FRMD4B: variants seen among roughly 807,000 people sequenced by gnomAD.
FRMD4B encodes FERM domain-containing protein 4B.
FRMD4B carries 74 observed loss-of-function variants against 141.5 expected under a neutral mutation model. The observed-to-expected ratio is 0.52, with a 90% confidence interval of 0.43 to 0.63. FRMD4B has a LOEUF of 0.63. Ranked by LOEUF, FRMD4B falls within the 30% of genes least tolerant of loss-of-function variation. FRMD4B has a pLI of 0.00. For missense variants in FRMD4B, 1,366 were observed against 1,253.4 expected (o/e 1.09, Z -1.36); for synonymous variants, 506 against 467.9 (o/e 1.08, Z -1.05).
chr3:69,301,578 C>A (rs1249823258), intron 4 of FRMD4B, among the ~76,000 whole-genome samples: 2 of 152,164 alleles, frequency 1.3e-5, no homozygotes, highest in African/African-American at 4.8e-5. Flanking sequence ...GATCCACCTG[C>A]CTCAGCCTCC....
intron 1 of FRMD4B, among the ~76,000 whole-genome samples, chr3:69,326,574 T>C (rs929143458): frequency 2.6e-5 from 4 of 152,234 alleles, no homozygotes; most frequent in Non-Finnish European, 5.9e-5. Flanking sequence ...ATTTTCCCCA[T>C]TGAGCTCTCA....
In FRMD4B at chr3:69,288,231, C is replaced by T. The variant is rs937705642; in HGVS notation, c.417-395G>A. The stretch of plus-strand genomic sequence containing the variant: ...AAAGCTGAAGTCGGCTGAGCAAGCA[C>T]TACCTAACCGAACCCCAAAGCCTGC... On this transcript the variant is annotated intron_variant, in intron 4 of 22. Transcript: ENST00000398540. Among the ~76,000 whole-genome samples, 73 of 152,374 alleles carry T rather than the reference C, an allele frequency of 4.8e-4. 1 individual carries two copies. Among genetic ancestry groups the T allele is most frequent in the African/African-American group, 1.7e-3 (71 of 41,600 alleles).
chr3:69,285,818 TG>T (rs1156397123), intron 5 of FRMD4B, among the ~76,000 whole-genome samples: 4 of 151,194 alleles, frequency 2.6e-5, no homozygotes, highest in African/African-American at 9.7e-5. Context: ...CACTTCACCC[TG>T]GGCAACAAAG....
chr3:69,225,519 C>CAAAAAAAAA (rs35855787), intron 7 of FRMD4B, among the ~76,000 whole-genome samples: 9 of 50,580 alleles, frequency 1.8e-4, no homozygotes, highest in Non-Finnish European at 2.0e-4. Flanking sequence ...ACTAAAAATA[C>CAAAAAAAAA]AAAAAAAAAA....
At chr3:69,510,010 T>C (rs1706664609) in intron 1 of FRMD4B, among the ~76,000 whole-genome samples, 2 of 151,758 alleles carry the variant, frequency 1.3e-5, no homozygotes, top group South Asian at 4.2e-4. Flanking sequence ...GTGACGTGCT[T>C]GATTGCAATA....
intron 7 of FRMD4B, among the ~76,000 whole-genome samples, chr3:69,245,767 AATTATC>A (rs1279781711): frequency 3.4e-5 from 5 of 148,040 alleles, no homozygotes; most frequent in Non-Finnish European, 7.4e-5. Context: ...GGGTTCAAGC[AATTATC>A]TCGCTTCAGC....
In FRMD4B at chr3:69,169,001, A is replaced by T. The variant is rs916780781; in HGVS notation, c.*2860T>A. Among the ~76,000 whole-genome samples the T allele has an allele frequency of 4.1e-5, 5 of 120,878 alleles. No individual in the cohort carries two copies. The highest frequency in any genetic ancestry group is 9.4e-5 in the Non-Finnish European group (5 of 53,330). The allele number at this position is 120,878 out of a possible 152,430, so 79.3% of individuals were successfully genotyped here. ...ATATATTAGGCAGAAAACAAAACAA[A>T]CAAAAAAAAATGTTGTAAAACTGTA... On this transcript the variant is annotated 3_prime_UTR_variant, in exon 23 of 23. Transcript: ENST00000398540.
At chr3:69,223,391 T>C (rs771420482) in intron 8 of FRMD4B, among the ~76,000 whole-genome samples, 2 of 152,122 alleles carry the variant, frequency 1.3e-5, no homozygotes, top group African/African-American at 2.4e-5. Context: ...ACCGTGTGCC[T>C]GTAATCCCAG....
At chr3:69,476,216 C>G (rs1705995082) in intron 1 of FRMD4B, among the ~76,000 whole-genome samples, 1 of 151,826 alleles carries the variant, frequency 6.6e-6, no homozygotes, top group South Asian at 2.1e-4. Context: ...AATTAGATCC[C>G]ATTTGTCAAT....
In FRMD4B at chr3:69,176,582, G is replaced by A; in HGVS notation, c.2926C>T (p.His976Tyr). Residue 976 changes from histidine (H) to tyrosine (Y), a missense_variant, in exon 22 of 23, where the codon CAT (histidine) becomes TAT (tyrosine). Coordinates refer to ENST00000398540, the MANE Select transcript of FRMD4B (RefSeq NM_015123.3). ...IGLSDYETPA[H>Y]SSYTSCYGNV... ...CCATAGCAGCTGGTGTAAGAAGAATGTGCTGGAGTCTCGTAATCCGACAGC... is the reference window on the plus strand; with the variant it reads ...CCATAGCAGCTGGTGTAAGAAGAATATGCTGGAGTCTCGTAATCCGACAGC... 6.2e-7 allele frequency: 1 copy of A among 1,609,926 alleles called. No individual in the cohort carries two copies.
At chr3:69,499,052 A>G (rs192414587) in intron 1 of FRMD4B, among the ~76,000 whole-genome samples, 2 of 152,326 alleles carry the variant, frequency 1.3e-5, no homozygotes, top group East Asian at 3.9e-4. Context: ...CCTTTGTAAA[A>G]CAAAGACACT....
At chr3:69,542,031 C>T (rs1412721924) in intron 1 of FRMD4B, among the ~76,000 whole-genome samples, 1 of 152,176 alleles carries the variant, frequency 6.6e-6, no homozygotes, top group Admixed American at 6.5e-5. Flanking sequence ...CTGCACTAGA[C>T]CTCGAGCCCC....
At chr3:69,314,117 C>A (rs575821354) in intron 1 of FRMD4B, among the ~76,000 whole-genome samples, 126 of 99,708 alleles carry the variant, frequency 1.3e-3, no homozygotes, top group African/African-American at 5.2e-3. Context: ...CCAGCCTGGG[C>A]GACAGAGCGA....
At chr3:69,493,537 A>G (rs1245513604) in intron 1 of FRMD4B, among the ~76,000 whole-genome samples, 3 of 152,216 alleles carry the variant, frequency 2.0e-5, no homozygotes, top group Non-Finnish European at 4.4e-5. Context: ...GGTACAAAGT[A>G]AGGAAACATT....
intron 2 of FRMD4B, among the ~76,000 whole-genome samples, chr3:69,424,448 A>C (rs983722911): frequency 6.6e-6 from 1 of 152,186 alleles, no homozygotes; most frequent in Non-Finnish European, 1.5e-5. Flanking sequence ...TGAAAGCCAC[A>C]GCACAGCCAG....
At chr3:69,190,984 G>T (rs945316145) in intron 17 of FRMD4B, among the ~76,000 whole-genome samples, 1 of 152,210 alleles carries the variant, frequency 6.6e-6, no homozygotes, top group Admixed American at 6.5e-5. Context: ...TAGAATAACG[G>T]ATGTAAAGCC....
intron 1 of FRMD4B, among the ~76,000 whole-genome samples, chr3:69,533,664 G>A (rs1290509890): frequency 6.6e-6 from 1 of 152,112 alleles, no homozygotes; most frequent in Non-Finnish European, 1.5e-5. Context: ...GGCCTTTTTT[G>A]AGTCTTTCCT....
At chr3:69,326,497 C>G (rs1702197347) in intron 1 of FRMD4B, among the ~76,000 whole-genome samples, 1 of 152,212 alleles carries the variant, frequency 6.6e-6, no homozygotes, top group Admixed American at 6.5e-5. Context: ...TTCCTTTGTT[C>G]TCATCTCCAT....
chr3:69,220,377 GAAATGGT>G (rs1387110871), intron 9 of FRMD4B, among the ~76,000 whole-genome samples: 1 of 152,176 alleles, frequency 6.6e-6, no homozygotes, highest in Non-Finnish European at 1.5e-5. Context: ...TATGTGTACA[GAAATGGT>G]ACATGACTGT....
Sources: allele counts gnomAD v4.1 joint callset (sites outside exome capture counted in the v4.1 genomes callset), GRCh38; gene constraint gnomAD v4.1.1; transcripts MANE v1.5; gene names NCBI Gene and HGNC (gene_info 2026-07-23, HGNC 2026-07-21).